Variants in KLRG1 observed in about 807,000 individuals in gnomAD.
The protein encoded by KLRG1 is killer cell lectin-like receptor subfamily G member 1.
In KLRG1, 16 loss-of-function variants were observed where a neutral mutation model predicts 21.8. The ratio of observed to expected loss-of-function variants is 0.73; its 90% confidence interval spans 0.50 to 1.11. The LOEUF is 1.11. Ranked by LOEUF, KLRG1 falls within the 50% of genes most tolerant of loss-of-function variation. The pLI is 0.00. For synonymous variants in KLRG1, 69 were observed against 75.9 expected (o/e 0.91, Z 0.47); for missense variants, 173 against 218.3 (o/e 0.79, Z 1.31).
the KLRG1 span, among the ~76,000 whole-genome samples, chr12:9,039,644 C>T: frequency 3.8e-4 from 58 of 152,252 alleles, 1 homozygote; most frequent in African/African-American, 1.4e-3. Flanking sequence ...GCAGTCAGTC[C>T]AGTGACTTTT....
chr12:9,154,805 G>A, the KLRG1 span: 1 of 1,614,150 alleles, frequency 6.2e-7, no homozygotes, highest in Non-Finnish European at 8.5e-7. Context: ...CTGGTGCCTT[G>A]GGTCTCTGAG....
At chr12:9,012,921 A>C (rs1405772966), downstream of KLRG1, among the ~76,000 whole-genome samples, 1 of 152,184 alleles carries the variant, frequency 6.6e-6, no homozygotes, top group East Asian at 1.9e-4. Flanking sequence ...TGCTGGCTTC[A>C]GGTCTGACCT....
chr12:9,056,249 G>A, the KLRG1 span, among the ~76,000 whole-genome samples: 1 of 152,118 alleles, frequency 6.6e-6, no homozygotes, highest in Admixed American at 6.5e-5. Flanking sequence ...CTGAATCAGG[G>A]CCTGCGTGAT....
At chr12:9,200,951 A>T in the KLRG1 span, 1 of 1,613,976 alleles carries the variant, frequency 6.2e-7, no homozygotes, top group Non-Finnish European at 8.5e-7. Context: ...CTGTACCACC[A>T]CCCTGTAGGA....
At chr12:9,164,078 TCAGA>T in the KLRG1 span, 2 of 1,538,878 alleles carry the variant, frequency 1.3e-6, no homozygotes, top group Non-Finnish European at 8.9e-7. Flanking sequence ...AAAAAAGTAC[TCAGA>T]CAGCCACCGT....
the KLRG1 span, chr12:9,150,620 T>C: frequency 1.4e-6 from 2 of 1,476,562 alleles, no homozygotes; most frequent in Non-Finnish European, 9.4e-7. Context: ...CTGGTTAAGA[T>C]TGTTTCATTT....
the KLRG1 span, among the ~76,000 whole-genome samples, chr12:9,178,410 T>C: frequency 6.6e-6 from 1 of 152,278 alleles, no homozygotes; most frequent in South Asian, 2.1e-4. Flanking sequence ...GTCACCCTTA[T>C]TTTACTTCAT....
the KLRG1 span, among the ~76,000 whole-genome samples, chr12:9,151,965 T>A: frequency 6.6e-6 from 1 of 152,310 alleles, no homozygotes; most frequent in Admixed American, 6.5e-5. Context: ...GTTTTATTGT[T>A]TTGTGCCCAT....
At chr12:9,202,312 T>C in the KLRG1 span, 6 of 1,611,222 alleles carry the variant, frequency 3.7e-6, no homozygotes, top group Middle Eastern at 1.6e-4. Flanking sequence ...AGATAGTGGA[T>C]GCTTACCAGT....
At chr12:9,189,827 C>T in the KLRG1 span, among the ~76,000 whole-genome samples, 4 of 151,890 alleles carry the variant, frequency 2.6e-5, no homozygotes, top group Non-Finnish European at 5.9e-5. Context: ...AAAAAGTGGG[C>T]AAAGGACAGG....
At chr12:9,109,937 G>A in the KLRG1 span, 2 of 1,614,006 alleles carry the variant, frequency 1.2e-6, no homozygotes, top group South Asian at 1.1e-5. Flanking sequence ...CCTTGTAGGA[G>A]CCCTGGAAGG....
chr12:8,980,560 C>T (rs1946738062), intron 1 of KLRG1, among the ~76,000 whole-genome samples: 1 of 152,158 alleles, frequency 6.6e-6, no homozygotes, highest in Admixed American at 6.6e-5. Context: ...GCATGGTGCA[C>T]TGGGTCAGCA....
At chr12:9,127,782 A>G in the KLRG1 span, 1 of 192,258 alleles carries the variant, frequency 5.2e-6, no homozygotes, top group South Asian at 8.1e-5. Flanking sequence ...ATCCACGACC[A>G]CTTGGTTCCT....
the KLRG1 span, chr12:9,169,605 G>T: frequency 7.0e-6 from 11 of 1,579,572 alleles, no homozygotes; most frequent in Non-Finnish European, 6.9e-6. Flanking sequence ...TAGCAGTGGG[G>T]GGATCAAAGG....
the KLRG1 span, among the ~76,000 whole-genome samples, chr12:9,150,292 C>CT: frequency 3.6e-4 from 54 of 151,770 alleles, no homozygotes; most frequent in Middle Eastern, 3.4e-3. Flanking sequence ...GTTGTTTTTT[C>CT]TTTTTTTTGA....
At chr12:8,961,396 T>C (rs979077017) in intron 1 of KLRG1, among the ~76,000 whole-genome samples, 3 of 152,104 alleles carry the variant, frequency 2.0e-5, no homozygotes, top group Non-Finnish European at 2.9e-5. Flanking sequence ...TAAAAAGAGA[T>C]GGCAATTTTT....
chr12:9,045,334 A>G, the KLRG1 span, among the ~76,000 whole-genome samples: 3 of 152,170 alleles, frequency 2.0e-5, no homozygotes, highest in Non-Finnish European at 2.9e-5. Flanking sequence ...GACAAAAATG[A>G]CGACAGAGGA....
chr12:9,093,772 C>T, the KLRG1 span, among the ~76,000 whole-genome samples: 1 of 150,828 alleles, frequency 6.6e-6, no homozygotes, highest in Non-Finnish European at 1.5e-5. Context: ...CTTAACAAGC[C>T]AGGAGAGGCC....
At chr12:9,145,973 T>C in the KLRG1 span, among the ~76,000 whole-genome samples, 1 of 152,192 alleles carries the variant, frequency 6.6e-6, no homozygotes, top group Non-Finnish European at 1.5e-5. Flanking sequence ...AAATTCTCTT[T>C]TACTTTTGAT....
Sources: gnomAD v4.1 joint callset for allele counts (sites outside exome capture counted in the v4.1 genomes callset) on GRCh38, gnomAD v4.1.1 for gene constraint, MANE v1.5 for transcripts, NCBI Gene and HGNC (gene_info 2026-07-23, HGNC 2026-07-21) for gene names.